The following WWOX variants were observed in gnomAD, a reference collection of about 807,000 sequenced individuals.
The protein encoded by WWOX is WW domain containing oxidoreductase.
WWOX carries 69 observed loss-of-function variants against 46.2 expected under a neutral mutation model. That is an observed-to-expected ratio of 1.49 (90% CI 1.23 to 1.82). The LOEUF is 1.82. WWOX is among the 40% of genes most tolerant of loss of function. WWOX has a pLI of 0.00. For missense variants in WWOX, 919 were observed against 542.6 expected (o/e 1.69, Z -6.89); for synonymous variants, 359 against 202.6 (o/e 1.77, Z -6.56).
intron 5 of WWOX, among the ~76,000 whole-genome samples, chr16:78,323,112 T>C (rs1427822708): frequency 1.3e-5 from 2 of 151,716 alleles, no homozygotes; most frequent in Admixed American, 1.3e-4. Context: ...GTATTTTTTT[T>C]TGTTTGTTTG....
intron 5 of WWOX, among the ~76,000 whole-genome samples, chr16:78,171,677 A>G (rs578092455): frequency 6.6e-6 from 1 of 152,290 alleles, no homozygotes; most frequent in African/African-American, 2.4e-5. Context: ...GGAAGAGCGC[A>G]TCCTAAATCA....
intron 8 of WWOX, among the ~76,000 whole-genome samples, chr16:79,067,160 A>G (rs1369111827): frequency 1.3e-5 from 2 of 152,182 alleles, no homozygotes; most frequent in Non-Finnish European, 2.9e-5. Context: ...CAGCTTTCAT[A>G]GGGCCGGCCA....
At chr16:79,152,564 G>A (rs181808027) in intron 8 of WWOX, among the ~76,000 whole-genome samples, 52 of 152,090 alleles carry the variant, frequency 3.4e-4, no homozygotes, top group African/African-American at 9.4e-4. Context: ...TCAGCTACTC[G>A]GGAGGTTGAG....
At chr16:79,172,126 C>T (rs1182736682) in intron 8 of WWOX, among the ~76,000 whole-genome samples, 3 of 152,120 alleles carry the variant, frequency 2.0e-5, no homozygotes, top group African/African-American at 7.2e-5. Context: ...CCAGGAACTA[C>T]ATTTTCTTGG....
chr16:78,721,939 T>G (rs762864789), intron 8 of WWOX, among the ~76,000 whole-genome samples: 3 of 152,274 alleles, frequency 2.0e-5, no homozygotes, highest in Non-Finnish European at 2.9e-5. Context: ...AATGTGACTT[T>G]CCTTTGCTAC....
At chr16:79,161,803 G>C (rs1294971197) in intron 8 of WWOX, among the ~76,000 whole-genome samples, 2 of 152,238 alleles carry the variant, frequency 1.3e-5, no homozygotes, top group Admixed American at 1.3e-4. Flanking sequence ...ACAGACATGA[G>C]CCACCTCACG....
chr16:78,830,610 A>G (rs1416843380), intron 8 of WWOX, among the ~76,000 whole-genome samples: 2 of 151,966 alleles, frequency 1.3e-5, no homozygotes, highest in African/African-American at 4.8e-5. Flanking sequence ...AAGCCTTCAG[A>G]CAATCGAAAA....
intron 8 of WWOX, among the ~76,000 whole-genome samples, chr16:79,045,965 C>G (rs71398125): frequency 2.0e-5 from 3 of 151,794 alleles, no homozygotes; most frequent in Admixed American, 2.0e-4. Flanking sequence ...CCATGGCTGG[C>G]TAATTTTTGT....
At chr16:78,817,766 T>C (rs942069456) in intron 8 of WWOX, among the ~76,000 whole-genome samples, 3 of 152,124 alleles carry the variant, frequency 2.0e-5, no homozygotes, top group African/African-American at 7.2e-5. Flanking sequence ...TCCCCTGAGA[T>C]TGCGCCTCCT....
intron 8 of WWOX, among the ~76,000 whole-genome samples, chr16:79,012,579 T>A (rs2656660): frequency 6.6e-6 from 1 of 151,902 alleles, no homozygotes; most frequent in Non-Finnish European, 1.5e-5. Context: ...AATTTGAAGA[T>A]CCACATATGG....
Position 78,536,347 on chromosome 16 carries a change from T to C in WWOX, c.1056+103595T>C, listed in dbSNP as rs16948025. Among the ~76,000 whole-genome samples, 675 of 151,916 alleles carry C rather than the reference T, an allele frequency of 4.4e-3. 6 individuals carry two copies. The highest frequency in any genetic ancestry group is 0.015 in the African/African-American group (629 of 41,432). ...ACTGTATCCCTCCTGAAGGGTGTGA[T>C]CAGTTCCATGAGAAAGAAGCTGCGA... On this transcript the variant is annotated intron_variant, in intron 8 of 8. Transcript: ENST00000566780.
At chr16:78,608,751 AGG>A (rs2045826591) in intron 8 of WWOX, among the ~76,000 whole-genome samples, 2 of 152,324 alleles carry the variant, frequency 1.3e-5, no homozygotes, top group African/African-American at 4.8e-5. Context: ...CTGCGGACCC[AGG>A]ACAACTAAAG....
intron 8 of WWOX, among the ~76,000 whole-genome samples, chr16:78,746,756 T>G (rs1209509162): frequency 1.3e-5 from 2 of 152,096 alleles, no homozygotes; most frequent in African/African-American, 4.8e-5. Flanking sequence ...TGAATCTGAC[T>G]TATACCCTGG....
chr16:78,768,407 T>C (rs1400175980), intron 8 of WWOX, among the ~76,000 whole-genome samples: 2 of 151,418 alleles, frequency 1.3e-5, no homozygotes, highest in African/African-American at 4.9e-5. Context: ...CTGGCCAACA[T>C]GTTGAAACCC....
intron 7 of WWOX, among the ~76,000 whole-genome samples, chr16:78,430,024 G>T (rs1339525369): frequency 6.6e-6 from 1 of 152,148 alleles, no homozygotes; most frequent in Non-Finnish European, 1.5e-5. Context: ...TGCTAAGAAA[G>T]ACATACCCGA....
At chr16:79,022,372 G>C (rs1351561782) in intron 8 of WWOX, among the ~76,000 whole-genome samples, 5 of 132,738 alleles carry the variant, frequency 3.8e-5, no homozygotes, top group African/African-American at 5.8e-5. Flanking sequence ...AAAAAGTCCC[G>C]CTTGTTATCA....
At chr16:79,097,795 A>G (rs1164327125) in intron 8 of WWOX, among the ~76,000 whole-genome samples, 2 of 152,162 alleles carry the variant, frequency 1.3e-5, no homozygotes. Flanking sequence ...GAGAGTGGGA[A>G]CTGAGGAGAT....
chr16:78,467,184 A>G (rs2151430305), intron 8 of WWOX, among the ~76,000 whole-genome samples: 1 of 152,214 alleles, frequency 6.6e-6, no homozygotes, highest in East Asian at 1.9e-4. Flanking sequence ...AAAATTTTTC[A>G]AAGAGGTAGG....
At chr16:78,348,992 G>T (rs2081140998) in intron 5 of WWOX, among the ~76,000 whole-genome samples, 1 of 119,960 alleles carries the variant, frequency 8.3e-6, no homozygotes, top group South Asian at 2.5e-4. Context: ...CGGTGTACTG[G>T]TCTGCTCAGG....
Sources: allele counts gnomAD v4.1 joint callset (sites outside exome capture counted in the v4.1 genomes callset), GRCh38; gene constraint gnomAD v4.1.1; transcripts MANE v1.5; gene names NCBI Gene and HGNC (gene_info 2026-07-23, HGNC 2026-07-21).